The following GRAMD1B variants were observed in gnomAD, a reference collection of about 807,000 sequenced individuals.
GRAMD1B encodes the protein protein Aster-B.
A neutral mutation model predicts 99.7 loss-of-function variants in GRAMD1B; 37 were observed. The ratio of observed to expected loss-of-function variants is 0.37; its 90% CI spans 0.29 to 0.49. The LOEUF (loss-of-function observed/expected upper bound fraction) is 0.49. Ranked by LOEUF, GRAMD1B falls within the 20% of genes least tolerant of loss-of-function variation. The pLI is 0.98. For synonymous variants in GRAMD1B, 427 were observed against 387.6 expected (o/e 1.10, Z -1.19); for missense variants, 888 against 1,009.2 (o/e 0.88, Z 1.63).
chr11:123,479,457 A>C (rs749377086), intron 1 of GRAMD1B, among the ~76,000 whole-genome samples: 3 of 152,216 alleles, frequency 2.0e-5, no homozygotes, highest in Non-Finnish European at 4.4e-5. Flanking sequence ...AATGCATCTT[A>C]GTGCAGCAGG....
intron 2 of GRAMD1B, chr11:123,560,171 C>T (rs1320366265): frequency 6.0e-6 from 6 of 998,658 alleles, no homozygotes; most frequent in South Asian, 8.6e-5. Context: ...AACCGGCAGG[C>T]GACGTGTGTG....
At chr11:123,435,880 C>T (rs959695201) in intron 1 of GRAMD1B, among the ~76,000 whole-genome samples, 3 of 148,812 alleles carry the variant, frequency 2.0e-5, no homozygotes, top group African/African-American at 7.4e-5. Context: ...CAGCTATGTA[C>T]AACCATCACC....
chr11:123,429,112 G>A (rs1233448556), upstream of GRAMD1B, among the ~76,000 whole-genome samples: 1 of 152,168 alleles, frequency 6.6e-6, no homozygotes, highest in African/African-American at 2.4e-5. The surrounding 1 kb of genome is among the most constrained non-coding windows in gnomAD (Gnocchi z 4.0). Context: ...AGGACAGCTT[G>A]AGCCCAGGAA....
chr11:123,606,805 A>C lies in GRAMD1B; in HGVS notation c.1513+7A>C. ...TCCGACACACACGATGAAGGTGGGC[A>C]TTTGAAAATGGGTCTGGAGTGGCCC... On this transcript the variant is annotated splice_region_variant and intron_variant, in intron 11 of 19. Transcript: ENST00000635736. 6.2e-7 allele frequency: 1 copy of C among 1,611,798 alleles called. No homozygotes were observed. Among genetic ancestry groups the C allele is most frequent in the African/African-American group, 1.3e-5 (1 of 75,024 alleles).
chr11:123,507,432 C>G (rs1274021063), intron 2 of GRAMD1B, among the ~76,000 whole-genome samples: 1 of 152,210 alleles, frequency 6.6e-6, no homozygotes, highest in African/African-American at 2.4e-5. Flanking sequence ...AATTCCACTA[C>G]TCTCATCCTC....
At chr11:123,583,583 C>T (rs974419393) in intron 3 of GRAMD1B, among the ~76,000 whole-genome samples, 5 of 152,156 alleles carry the variant, frequency 3.3e-5, no homozygotes, top group African/African-American at 1.2e-4. Context: ...TCTTAGCTAT[C>T]CCTCCTGTTC....
At chr11:123,455,514 A>T (rs1425105745) in intron 1 of GRAMD1B, among the ~76,000 whole-genome samples, 1 of 152,106 alleles carries the variant, frequency 6.6e-6, no homozygotes, top group East Asian at 1.9e-4. Flanking sequence ...CACTCAATTG[A>T]TCATTCATCC....
intron 2 of GRAMD1B, chr11:123,560,587 A>G: frequency 1.8e-6 from 1 of 564,206 alleles, no homozygotes; most frequent in Non-Finnish European, 3.1e-6. Flanking sequence ...CCACTGCCCA[A>G]TGCATGAATG....
Position 123,577,366 on chromosome 11 carries a change from G to A in GRAMD1B, c.453-1G>A, listed in dbSNP as rs866524384. ...CTCCCTCTCTCCATCTGCCGCTGCA[G>A]CACTGCCAGTAACTCCAACCGCAGC... On this transcript the variant is annotated splice_acceptor_variant, in intron 2 of 19. Transcript: ENST00000635736. LOFTEE classifies it high-confidence loss of function. 1 of 1,578,438 alleles carries A rather than the reference G, an allele frequency of 6.3e-7. No homozygotes were observed. Among genetic ancestry groups the A allele is most frequent in the Non-Finnish European group, 8.6e-7 (1 of 1,162,652 alleles).
At position 123,510,765 on chromosome 11, in the gene GRAMD1B, C is replaced by T. The variant is rs940409216; in HGVS notation, c.452+29872C>T. On this transcript the variant is annotated intron_variant, in intron 2 of 19. Coordinates refer to ENST00000635736, the MANE Select transcript of GRAMD1B (RefSeq NM_001387025.1). This position sits in a 1 kb window ranked among gnomAD's most constrained non-coding sequence, Gnocchi z 4.3. ...CGCTTGGCGAGTTCTGCCTTTGGTT[C>T]ACTTTTCTCTCTCCTCCTCTCCCTC... Among the ~76,000 whole-genome samples the T allele has an allele frequency of 2.6e-5, 4 of 152,122 alleles. No individual in the cohort carries two copies. The highest frequency in any genetic ancestry group is 9.7e-5 in the African/African-American group (4 of 41,410).
Position 123,577,720 on chromosome 11 carries a change from G to C in GRAMD1B, c.663+143G>C, listed in dbSNP as rs185563561. On this transcript the variant is annotated intron_variant, in intron 3 of 19. Transcript: ENST00000635736. The stretch of plus-strand genomic sequence containing the variant: ...TCAGAGACAGTCATTATCCAGTGAG[G>C]TGAGGCGGGGCAGGCAGGAGAGACC... The C allele has an allele frequency of 2.2e-4, 147 of 658,750 alleles. 1 individual carries two copies. The East Asian group carries it at 3.2e-3, about 14-fold the overall frequency. 40.8% of individuals were successfully genotyped at this position (658,750 alleles called of 1,614,324 possible).
At chr11:123,463,908 T>C (rs1950547513) in intron 1 of GRAMD1B, among the ~76,000 whole-genome samples, 1 of 152,208 alleles carries the variant, frequency 6.6e-6, no homozygotes, top group Non-Finnish European at 1.5e-5. Context: ...GTCAGTTTCA[T>C]GTAGTAAGGC....
intron 2 of GRAMD1B, among the ~76,000 whole-genome samples, chr11:123,535,917 C>A (rs1331275954): frequency 2.0e-5 from 3 of 152,066 alleles, no homozygotes; most frequent in African/African-American, 7.3e-5. Flanking sequence ...TTCAGAGTCT[C>A]CCACTTGGAG....
Position 123,577,503 on chromosome 11 carries a change from C to T in GRAMD1B, c.589C>T (p.Pro197Ser), listed in dbSNP as rs2276409. 6 of 1,601,560 alleles carry T rather than the reference C, an allele frequency of 3.7e-6. No individual in the cohort carries two copies. Among genetic ancestry groups the T allele is most frequent in the Middle Eastern group, 1.7e-4 (1 of 6,052 alleles). The change falls in exon 3 of 20, where the codon CCG becomes TCG. Residue 197 changes from proline (P) to serine (S), a missense_variant. This residue lies in a region of GRAMD1B where 233 missense variants were observed against 154.6 expected (regional missense o/e 1.51). Coordinates refer to ENST00000635736, the MANE Select transcript of GRAMD1B (RefSeq NM_001387025.1). Reference sequence around the variant, plus strand: ...CTCAGATCACTCCTCGGACAAGTCCCCGTCCACACCGGAGCAGGGCGTGCA... The same window carrying T: ...CTCAGATCACTCCTCGGACAAGTCCTCGTCCACACCGGAGCAGGGCGTGCA... ...KGSDHSSDKS[P>S]STPEQGVQRS...
chr11:123,371,132 T>C (rs1451954519), intron 1 of GRAMD1B, among the ~76,000 whole-genome samples: 2 of 138,602 alleles, frequency 1.4e-5, no homozygotes, highest in Non-Finnish European at 3.2e-5. Flanking sequence ...GCAGGATGCA[T>C]GTCAGTGACC....
chr11:123,533,055 C>T (rs148286285), intron 2 of GRAMD1B, among the ~76,000 whole-genome samples: 36 of 152,260 alleles, frequency 2.4e-4, no homozygotes, highest in Admixed American at 1.6e-3. Context: ...TCACAACTTC[C>T]GCCTCCCTGG....
At chr11:123,607,237 T>A (rs1565455418) in intron 11 of GRAMD1B, among the ~76,000 whole-genome samples, 1 of 152,162 alleles carries the variant, frequency 6.6e-6, no homozygotes, top group Admixed American at 6.5e-5. Context: ...GAAGAAAAGG[T>A]GTTGCTGGGT....
At chr11:123,469,282 A>G (rs142638213) in intron 1 of GRAMD1B, among the ~76,000 whole-genome samples, 3 of 152,288 alleles carry the variant, frequency 2.0e-5, no homozygotes, top group Non-Finnish European at 4.4e-5. Context: ...AAGAGACATG[A>G]TTAAATCTGT....
intron 2 of GRAMD1B, among the ~76,000 whole-genome samples, chr11:123,486,667 T>G (rs1258939170): frequency 6.6e-6 from 1 of 152,210 alleles, no homozygotes; most frequent in Non-Finnish European, 1.5e-5. Context: ...AGTTGTGGTA[T>G]TTCCCCTCAA....
Sources: allele counts gnomAD v4.1 joint callset (sites outside exome capture counted in the v4.1 genomes callset), GRCh38; gene constraint gnomAD v4.1.1; regional missense constraint gnomAD v4.1.1; non-coding constraint Gnocchi (gnomAD v3.1); transcripts MANE v1.5; gene names NCBI Gene and HGNC (gene_info 2026-07-23, HGNC 2026-07-21).